CPNE8: variants seen among roughly 807,000 people sequenced by gnomAD.
CPNE8 encodes copine 8.
Under a neutral mutation model 81.5 loss-of-function variants are expected in CPNE8, and 45 were observed. The observed-to-expected ratio is 0.55, with a 90% CI of 0.44 to 0.71. CPNE8 has a LOEUF of 0.71. Among genes scored for constraint, CPNE8 ranks in the 30% least tolerant of loss-of-function variants. The probability of loss-of-function intolerance (pLI) is 0.00; values close to 1 mark genes in which losing one functional copy is unlikely to be tolerated. For missense variants in CPNE8, 594 were observed against 672.1 expected (o/e 0.88, Z 1.28); for synonymous variants, 252 against 226.3 (o/e 1.11, Z -1.02).
At chr12:38,792,952 ACAC>A (rs1565618239) in intron 6 of CPNE8, among the ~76,000 whole-genome samples, 2 of 151,926 alleles carry the variant, frequency 1.3e-5, no homozygotes. Flanking sequence ...TCAATGTAAT[ACAC>A]CACATTAACA....
chr12:38,684,917 A>G (rs1939498604), intron 16 of CPNE8, among the ~76,000 whole-genome samples: 1 of 152,186 alleles, frequency 6.6e-6, no homozygotes, highest in African/African-American at 2.4e-5. Context: ...TATTTTTAAC[A>G]TTTTAACATT....
At chr12:38,883,852 G>C (rs911158441) in intron 1 of CPNE8, among the ~76,000 whole-genome samples, 10 of 152,158 alleles carry the variant, frequency 6.6e-5, no homozygotes. Context: ...ACAATATTCT[G>C]TTGACAGTGT....
At chr12:38,798,364 T>A (rs1942558451) in intron 6 of CPNE8, among the ~76,000 whole-genome samples, 1 of 152,148 alleles carries the variant, frequency 6.6e-6, no homozygotes. Context: ...GCAGAAACTC[T>A]ACAAGCCAGA....
chr12:38,734,263 A>C (rs1940902705), intron 10 of CPNE8, among the ~76,000 whole-genome samples: 1 of 152,020 alleles, frequency 6.6e-6, no homozygotes. Flanking sequence ...CTGTGATCTT[A>C]CCTTGCCAGT....
intron 3 of CPNE8, among the ~76,000 whole-genome samples, chr12:38,858,285 G>C (rs560600117): frequency 2.0e-5 from 3 of 152,138 alleles, no homozygotes; most frequent in African/African-American, 7.2e-5. Flanking sequence ...ATGCAGTTCC[G>C]TCGAGCCCCA....
At chr12:38,879,410 C>T (rs896448822) in intron 1 of CPNE8, among the ~76,000 whole-genome samples, 1 of 151,966 alleles carries the variant, frequency 6.6e-6, no homozygotes, top group Non-Finnish European at 1.5e-5. Context: ...GGGACAAGGA[C>T]CCTGTCTTTA....
At chr12:38,883,562 C>T (rs1197580113) in intron 1 of CPNE8, among the ~76,000 whole-genome samples, 1 of 152,114 alleles carries the variant, frequency 6.6e-6, no homozygotes, top group Non-Finnish European at 1.5e-5. Context: ...AATAATTCTC[C>T]TGGGTATCAA....
At position 38,894,379 on chromosome 12, in the gene CPNE8, G is replaced by A. The variant is rs1269012548; in HGVS notation, c.98+11058C>T. 3.9e-5 allele frequency among the ~76,000 whole-genome samples: 6 copies of A among 152,010 alleles called. No individual in the cohort carries two copies. The East Asian group carries it at 1.2e-3, about 29-fold the overall frequency. On this transcript the variant is annotated intron_variant, in intron 1 of 19. Transcript: ENST00000331366. ...TTTACTAATTTAAATTATCAATTAA[G>A]AGAGAAATTCACTAGTAACTTGATA...
chr12:38,872,165 AGATAC>A (rs751492375), intron 3 of CPNE8, among the ~76,000 whole-genome samples: 83 of 152,256 alleles, frequency 5.5e-4, no homozygotes, highest in Middle Eastern at 3.4e-3. Flanking sequence ...AGAAGCAGTT[AGATAC>A]GATAAACATG....
intron 1 of CPNE8, among the ~76,000 whole-genome samples, chr12:38,899,360 A>G (rs964601217): frequency 4.6e-5 from 7 of 152,134 alleles, no homozygotes; most frequent in Admixed American, 3.9e-4. Context: ...AAGTACAGTG[A>G]GAAGCTGGCA....
intron 6 of CPNE8, among the ~76,000 whole-genome samples, chr12:38,824,014 G>C (rs1943149750): frequency 1.3e-5 from 2 of 152,094 alleles, no homozygotes; most frequent in Admixed American, 1.3e-4. Flanking sequence ...ATTTTAGGAG[G>C]GTTCCAGGAA....
chr12:38,872,852 A>T, intron 3 of CPNE8, 152 bp downstream of exon 3: 1 of 598,072 alleles, frequency 1.7e-6, no homozygotes, highest in African/African-American at 2.0e-5. Flanking sequence ...TATTAAAAAC[A>T]AAACACAAAG....
Position 38,748,462 on chromosome 12 carries a change from T to C in CPNE8, c.722+12385A>G, listed in dbSNP as rs147538285. Among the ~76,000 whole-genome samples, 712 of 152,290 alleles carry C rather than the reference T, an allele frequency of 4.7e-3. 5 individuals carry two copies. The highest frequency in any genetic ancestry group is 0.016 in the African/African-American group (661 of 41,562). On this transcript the variant is annotated intron_variant, in intron 10 of 19. Transcript: ENST00000331366. The stretch of plus-strand genomic sequence containing the variant: ...CCAATATTACCTTAGAATAGATTCT[T>C]GGAAATAAAATTACTAGATAAAAGT...
At chr12:38,906,091 C>G, upstream of CPNE8, 1 of 986,460 alleles carries the variant, frequency 1.0e-6, no homozygotes, top group Non-Finnish European at 1.2e-6. Context: ...CACCTCTGCC[C>G]GTTCCTAACT....
chr12:38,835,241 T>C (rs1037850710), intron 5 of CPNE8, among the ~76,000 whole-genome samples: 13 of 152,120 alleles, frequency 8.5e-5, no homozygotes, highest in Non-Finnish European at 1.8e-4. Context: ...CCTGGGATGC[T>C]GTTCTCCTAG....
At chr12:38,834,567 C>A (rs1318291533) in intron 5 of CPNE8, among the ~76,000 whole-genome samples, 2 of 152,180 alleles carry the variant, frequency 1.3e-5, no homozygotes, top group Non-Finnish European at 2.9e-5. Flanking sequence ...TTTTTAACCA[C>A]CAAAGGTTGC....
chr12:38,710,268 CAAAAAA>C (rs57376063), intron 13 of CPNE8, among the ~76,000 whole-genome samples: 1 of 50,266 alleles, frequency 2.0e-5, no homozygotes, highest in African/African-American at 6.5e-5. Context: ...AATAAGCTAA[CAAAAAA>C]AAAAAAAAAA....
chr12:38,689,920 A>C (rs1006454820), intron 15 of CPNE8, among the ~76,000 whole-genome samples: 1 of 152,224 alleles, frequency 6.6e-6, no homozygotes, highest in Non-Finnish European at 1.5e-5. Flanking sequence ...TAAGTCTTGA[A>C]ATGGTAATAT....
At chr12:38,779,663 TC>T (rs1942004660) in intron 6 of CPNE8, among the ~76,000 whole-genome samples, 2 of 152,070 alleles carry the variant, frequency 1.3e-5, no homozygotes, top group Non-Finnish European at 2.9e-5. Flanking sequence ...CAGAAAAGTT[TC>T]CCTTCAAATT....
Sources: allele counts gnomAD v4.1 joint callset (sites outside exome capture counted in the v4.1 genomes callset), GRCh38; gene constraint gnomAD v4.1.1; transcripts MANE v1.5; gene names NCBI Gene and HGNC (gene_info 2026-07-23, HGNC 2026-07-21).